The following DRAM1 variants were observed in gnomAD, a reference collection of about 807,000 sequenced individuals.
DRAM1 encodes DNA damage regulated autophagy modulator 1, also known as DNA damage-regulated autophagy modulator protein 1.
In DRAM1, 25 loss-of-function variants were observed where a neutral mutation model predicts 28.5. The observed-to-expected ratio is 0.88, with a 90% confidence interval of 0.64 to 1.23. DRAM1 has a LOEUF of 1.23. DRAM1 is among the 50% of genes most tolerant of loss of function. The pLI is 0.00. For synonymous variants in DRAM1, 113 were observed against 114.2 expected (o/e 0.99, Z 0.07); for missense variants, 249 against 299.2 (o/e 0.83, Z 1.24).
intron 1 of DRAM1, among the ~76,000 whole-genome samples, chr12:101,879,006 T>C (rs201190516): frequency 6.7e-6 from 1 of 149,204 alleles, no homozygotes; most frequent in South Asian, 2.1e-4. Context: ...ATTTTTTTTA[T>C]TTTTTTGAGA....
intron 3 of DRAM1, among the ~76,000 whole-genome samples, chr12:101,905,777 A>ATTTT (rs1442352043): frequency 6.7e-6 from 1 of 149,816 alleles, no homozygotes; most frequent in African/African-American, 2.5e-5. Context: ...TTATTTATTT[A>ATTTT]TTTATTTATG....
chr12:101,912,770 GT>G (rs1874092420), intron 4 of DRAM1, among the ~76,000 whole-genome samples: 1 of 137,116 alleles, frequency 7.3e-6, no homozygotes, highest in Non-Finnish European at 1.5e-5. Flanking sequence ...GTCTCACCCT[GT>G]TGCCCAGGTT....
chr12:101,888,515 T>C (rs965777100), intron 1 of DRAM1, among the ~76,000 whole-genome samples: 55 of 152,110 alleles, frequency 3.6e-4, no homozygotes, highest in African/African-American at 1.3e-3. Flanking sequence ...AAGAAAAGCA[T>C]AGTAAGAAAA....
chr12:101,885,777 C>G (rs1261321654), intron 1 of DRAM1, among the ~76,000 whole-genome samples: 1 of 152,042 alleles, frequency 6.6e-6, no homozygotes, highest in Admixed American at 6.6e-5. Flanking sequence ...ATCTGCCCAC[C>G]TCGGCCTCAA....
At chr12:101,885,832 A>G (rs533757768) in intron 1 of DRAM1, among the ~76,000 whole-genome samples, 1 of 152,116 alleles carries the variant, frequency 6.6e-6, no homozygotes, top group South Asian at 2.1e-4. Flanking sequence ...CCGGCCTCCC[A>G]GTGGCCATTC....
intron 1 of DRAM1, among the ~76,000 whole-genome samples, chr12:101,892,479 C>G (rs1298320696): frequency 2.0e-5 from 3 of 151,544 alleles, no homozygotes; most frequent in African/African-American, 7.3e-5. Context: ...GTCTCGAGCC[C>G]CTAACCTCAA....
chr12:101,896,856 C>T (rs867599738), intron 1 of DRAM1, among the ~76,000 whole-genome samples: 7 of 149,842 alleles, frequency 4.7e-5, no homozygotes, highest in South Asian at 2.1e-4. Flanking sequence ...GGTGTGATCT[C>T]GGCTCACCGC....
chr12:101,908,232 TTGTC>T lies in DRAM1; in HGVS notation c.393_396del (p.Cys132ValfsTer42). The T allele has an allele frequency of 6.2e-7, 1 of 1,613,462 alleles. No homozygotes were observed. Among genetic ancestry groups the T allele is most frequent in the South Asian group, 1.1e-5 (1 of 90,904 alleles). ...CATGACGGGGGCGCTCTTTTGGCCTTTGTCTGTGGTGTCGTGTACACGCTCCTAC... is the reference window on the plus strand; with the variant it reads ...CATGACGGGGGCGCTCTTTTGGCCTTTGTGGTGTCGTGTACACGCTCCTAC... On this transcript the variant is annotated frameshift_variant, in exon 4 of 7. Coordinates refer to ENST00000258534, the MANE Select transcript of DRAM1 (RefSeq NM_018370.3). LOFTEE classifies it high-confidence loss of function.
chr12:101,913,054 C>T (rs1323430322), intron 4 of DRAM1, among the ~76,000 whole-genome samples: 1 of 152,058 alleles, frequency 6.6e-6, no homozygotes. Flanking sequence ...TAATATTTTG[C>T]AGACTTTTTA....
intron 1 of DRAM1, among the ~76,000 whole-genome samples, chr12:101,892,781 A>C (rs1873188084): frequency 6.6e-6 from 1 of 152,166 alleles, no homozygotes; most frequent in Non-Finnish European, 1.5e-5. Flanking sequence ...CTTAGTGTAA[A>C]TAAATCACAA....
chr12:101,913,637 T>C (rs1140768), intron 4 of DRAM1, among the ~76,000 whole-genome samples: 2 of 128,754 alleles, frequency 1.6e-5, no homozygotes, highest in African/African-American at 6.1e-5. Flanking sequence ...ACCCAGGAGG[T>C]GGAGGTTGCA....
chr12:101,905,305 AG>A (rs1873764027), intron 3 of DRAM1, among the ~76,000 whole-genome samples: 1 of 152,100 alleles, frequency 6.6e-6, no homozygotes, highest in Non-Finnish European at 1.5e-5. Context: ...TTTTTGAGAC[AG>A]GGTCTTGATC....
rs1448425129 is a variant in DRAM1, at chr12:101,923,335, C to T, written c.*2075C>T. On this transcript the variant is annotated 3_prime_UTR_variant, in exon 7 of 7. Coordinates refer to ENST00000258534, the MANE Select transcript of DRAM1 (RefSeq NM_018370.3). ...GAGCAGACTTTTGTTCTCGGCGCTCCTCACGATGGAGTTTCATGCTTCATT... is the reference window on the plus strand; with the variant it reads ...GAGCAGACTTTTGTTCTCGGCGCTCTTCACGATGGAGTTTCATGCTTCATT... 1 of 152,194 alleles carries T rather than the reference C, an allele frequency of 6.6e-6. No individual in the cohort carries two copies. The highest frequency in any genetic ancestry group is 2.4e-5 in the African/African-American group (1 of 41,440). The allele number at this position is 152,194 out of a possible 1,614,324, so 9.4% of individuals were successfully genotyped here.
At chr12:101,915,996 A>T (rs7960526) in intron 5 of DRAM1, among the ~76,000 whole-genome samples, 8,990 of 152,238 alleles carry the variant, frequency 0.059, 887 homozygotes, top group African/African-American at 0.2. Context: ...TCACGTTTCA[A>T]ATAGGGGAAA....
In DRAM1 at chr12:101,917,357, G is replaced by T. The variant is rs78927281; in HGVS notation, c.580-2752G>T. The stretch of plus-strand genomic sequence containing the variant: ...CTGCCAAGACAAGAGAGAGACAGAA[G>T]ATGGTGAGGAAGAGAATGATCCAGA... On this transcript the variant is annotated intron_variant, in intron 5 of 6. Transcript: ENST00000258534. Among the ~76,000 whole-genome samples the T allele has an allele frequency of 0.019, 2,915 of 152,286 alleles. 223 individuals carry two copies. The East Asian group carries it at 0.25, about 13-fold the overall frequency.
chr12:101,902,895 A>G (rs759310018), intron 3 of DRAM1, among the ~76,000 whole-genome samples: 3 of 150,382 alleles, frequency 2.0e-5, no homozygotes, highest in Non-Finnish European at 4.4e-5. Context: ...ATGTGTGGGC[A>G]AGAGAGAGTG....
chr12:101,916,452 G>A (rs1874247284), intron 5 of DRAM1, among the ~76,000 whole-genome samples: 1 of 152,222 alleles, frequency 6.6e-6, no homozygotes, highest in Admixed American at 6.5e-5. Flanking sequence ...CTTCTGGTGG[G>A]ACTGGGAGTC....
intron 3 of DRAM1, among the ~76,000 whole-genome samples, chr12:101,906,058 G>A (rs1873795691): frequency 6.6e-6 from 1 of 152,160 alleles, no homozygotes; most frequent in Non-Finnish European, 1.5e-5. Flanking sequence ...AAAGTGCTGG[G>A]ATTACAGGCG....
Position 101,877,697 on chromosome 12 carries a change from GTA to G in DRAM1, c.-92_-91del. 1.9e-6 allele frequency: 2 copies of G among 1,049,912 alleles called. No homozygotes were observed. The highest frequency in any genetic ancestry group is 2.4e-6 in the Non-Finnish European group (2 of 821,354). 65.0% of individuals were successfully genotyped at this position (1,049,912 alleles called of 1,614,324 possible). ...GCCTCCCCTCCCACCGTCCGTGAGT[GTA>G]CGCGCCCGGCCGCCGCCTCCAGGCA... On this transcript the variant is annotated 5_prime_UTR_variant, in exon 1 of 7. Coordinates refer to ENST00000258534, the MANE Select transcript of DRAM1 (RefSeq NM_018370.3). This position sits in a 1 kb window ranked among gnomAD's most constrained non-coding sequence, Gnocchi z 4.1.
Sources: allele counts gnomAD v4.1 joint callset (sites outside exome capture counted in the v4.1 genomes callset), GRCh38; gene constraint gnomAD v4.1.1; non-coding constraint Gnocchi (gnomAD v3.1); transcripts MANE v1.5; gene names NCBI Gene and HGNC (gene_info 2026-07-23, HGNC 2026-07-21).